Variants in DAB1 observed in about 807,000 individuals in gnomAD.
DAB1 encodes DAB adaptor protein 1, also known as disabled homolog 1.
A neutral mutation model predicts 64.6 loss-of-function variants in DAB1; 15 were observed. The observed-to-expected ratio is 0.23, with a 90% CI of 0.16 to 0.36. The LOEUF is 0.36. Among genes scored for constraint, DAB1 ranks in the 10% least tolerant of loss-of-function variants. The pLI is 1.00. For synonymous variants in DAB1, 235 were observed against 251.9 expected (o/e 0.93, Z 0.64); for missense variants, 596 against 706.7 (o/e 0.84, Z 1.78).
intron 2 of DAB1, among the ~76,000 whole-genome samples, chr1:57,195,443 C>T (rs912261193): frequency 1.3e-5 from 2 of 152,230 alleles, no homozygotes; most frequent in African/African-American, 2.4e-5. Flanking sequence ...TTTAAATACA[C>T]TCTCTTATTT....
chr1:57,759,905 T>C (rs566428870), intron 6 of DAB1, among the ~76,000 whole-genome samples: 5 of 152,308 alleles, frequency 3.3e-5, no homozygotes, highest in African/African-American at 1.2e-4. Context: ...CCTGGGTTTC[T>C]GAATGACTGC....
intron 7 of DAB1, among the ~76,000 whole-genome samples, chr1:57,601,822 TTGTG>T (rs113611186): frequency 2.0e-5 from 3 of 151,236 alleles, no homozygotes; most frequent in Non-Finnish European, 4.4e-5. Context: ...CACACTATTT[TTGTG>T]TGTGTGTGTG....
intron 4 of DAB1, among the ~76,000 whole-genome samples, chr1:57,136,259 G>A (rs1173892956): frequency 1.3e-5 from 2 of 152,102 alleles, no homozygotes; most frequent in Admixed American, 6.6e-5. Context: ...AACTTAAACT[G>A]TCACATTACC....
chr1:57,435,046 CTTTTTTTT>C (rs71580850), intron 7 of DAB1, among the ~76,000 whole-genome samples: 7 of 93,078 alleles, frequency 7.5e-5, no homozygotes, highest in South Asian at 9.4e-4. Context: ...TTCTTTTTTT[CTTTTTTTT>C]TTTTTTTTTT....
At chr1:57,564,203 C>T (rs1013305828) in intron 7 of DAB1, among the ~76,000 whole-genome samples, 2 of 152,192 alleles carry the variant, frequency 1.3e-5, no homozygotes, top group African/African-American at 4.8e-5. Context: ...CAGCAAACTC[C>T]AACAGACCTG....
chr1:58,428,572 A>G (rs1644841627), intron 3 of DAB1, among the ~76,000 whole-genome samples: 1 of 152,250 alleles, frequency 6.6e-6, no homozygotes, highest in Non-Finnish European at 1.5e-5. Flanking sequence ...ATATTTGATA[A>G]CATTGAGAAG....
At chr1:57,532,923 C>A (rs1335223436) in intron 7 of DAB1, among the ~76,000 whole-genome samples, 1 of 152,094 alleles carries the variant, frequency 6.6e-6, no homozygotes, top group Non-Finnish European at 1.5e-5. Context: ...TTAATAACCC[C>A]TAGTAACACT....
intron 7 of DAB1, among the ~76,000 whole-genome samples, chr1:57,647,143 G>C (rs966256394): frequency 1.3e-5 from 2 of 152,126 alleles, no homozygotes; most frequent in Non-Finnish European, 2.9e-5. Flanking sequence ...TGTTGCCAGG[G>C]CTACTGAAGC....
intron 7 of DAB1, among the ~76,000 whole-genome samples, chr1:57,588,837 A>G (rs1041779201): frequency 6.6e-6 from 1 of 152,262 alleles, no homozygotes; most frequent in Non-Finnish European, 1.5e-5. Context: ...AAGGATAAAT[A>G]TTAAATAAAG....
intron 3 of DAB1, among the ~76,000 whole-genome samples, chr1:58,495,560 T>A (rs1645785641): frequency 6.8e-6 from 1 of 146,200 alleles, no homozygotes; most frequent in African/African-American, 2.4e-5. Context: ...GCAAGCTAGT[T>A]ACAATTATAT....
At chr1:57,336,527 T>C (rs1299977283) in intron 1 of DAB1, among the ~76,000 whole-genome samples, 2 of 152,192 alleles carry the variant, frequency 1.3e-5, no homozygotes, top group Non-Finnish European at 2.9e-5. Flanking sequence ...TTGATTCCTG[T>C]GTGTCAGGCA....
At chr1:57,957,338 A>C (rs1293203770) in intron 5 of DAB1, among the ~76,000 whole-genome samples, 2 of 152,216 alleles carry the variant, frequency 1.3e-5, no homozygotes, top group African/African-American at 2.4e-5. Context: ...AAAGAAGCCC[A>C]AAGGTTTCAG....
At chr1:57,562,953 G>C (rs1645070390) in intron 7 of DAB1, among the ~76,000 whole-genome samples, 1 of 151,990 alleles carries the variant, frequency 6.6e-6, no homozygotes. Context: ...GTAAGGAAGA[G>C]TATATATATA....
chr1:58,400,764 A>G (rs1018581318), intron 3 of DAB1, among the ~76,000 whole-genome samples: 4 of 152,234 alleles, frequency 2.6e-5, no homozygotes, highest in African/African-American at 9.6e-5. Context: ...TATTATAATT[A>G]TAACTGTAGA....
chr1:58,531,246 A>C (rs1646429827), intron 1 of DAB1, among the ~76,000 whole-genome samples: 1 of 152,224 alleles, frequency 6.6e-6, no homozygotes, highest in South Asian at 2.1e-4. Context: ...TAAAACAAGA[A>C]AAAATTCAGA....
At chr1:57,568,764 A>G (rs1448407970) in intron 7 of DAB1, among the ~76,000 whole-genome samples, 1 of 152,088 alleles carries the variant, frequency 6.6e-6, no homozygotes, top group Non-Finnish European at 1.5e-5. Flanking sequence ...CAATCATTAA[A>G]AAGTCAGGAA....
At chr1:57,299,915 G>A (rs942093116) in intron 1 of DAB1, among the ~76,000 whole-genome samples, 1 of 152,280 alleles carries the variant, frequency 6.6e-6, no homozygotes, top group East Asian at 1.9e-4. Context: ...AAAATGCACA[G>A]AGCTATATAA....
chr1:57,880,725 C>T (rs545932313), intron 1 of DAB1: 67 of 152,088 alleles, frequency 4.4e-4, no homozygotes, highest in Non-Finnish European at 6.9e-4. Context: ...TAAAGCTGAA[C>T]AACTTATTAT....
At chr1:57,544,787 C>T (rs1644838305) in intron 7 of DAB1, among the ~76,000 whole-genome samples, 1 of 152,132 alleles carries the variant, frequency 6.6e-6, no homozygotes. Context: ...GGGGCTTTTC[C>T]CTCTTTGCTA....
Sources: allele counts gnomAD v4.1 joint callset (sites outside exome capture counted in the v4.1 genomes callset), GRCh38; gene constraint gnomAD v4.1.1; transcripts MANE v1.5; gene names NCBI Gene and HGNC (gene_info 2026-07-23, HGNC 2026-07-21).